HNRNPH3: variants seen among roughly 807,000 people sequenced by gnomAD.
HNRNPH3 encodes the protein heterogeneous nuclear ribonucleoprotein 2H9.
In HNRNPH3, 7 loss-of-function variants were observed where a neutral mutation model predicts 47.0. That is an observed-to-expected ratio of 0.15 (90% confidence interval 0.08 to 0.28). The LOEUF (loss-of-function observed/expected upper bound fraction) is 0.28. HNRNPH3 is among the 10% of genes least tolerant of loss of function. The probability of loss-of-function intolerance (pLI) is 1.00; values close to 1 mark genes in which losing one functional copy is unlikely to be tolerated. For synonymous variants in HNRNPH3, 120 were observed against 143.2 expected, an observed-to-expected ratio of 0.84 and a Z score of 1.16; for missense variants, 279 against 449.6, an observed-to-expected ratio of 0.62 and a Z score of 3.43.
intron 1 of HNRNPH3, among the ~76,000 whole-genome samples, chr10:68,334,811 G>A (rs2045452555): frequency 6.6e-6 from 1 of 152,210 alleles, no homozygotes; most frequent in South Asian, 2.1e-4. Context: ...TGACATTGTT[G>A]CAAAGAAAGG....
intron 1 of HNRNPH3, chr10:68,332,880 A>G (rs1251011779): frequency 6.6e-6 from 1 of 152,276 alleles, no homozygotes; most frequent in African/African-American, 2.4e-5. Flanking sequence ...GAAGGTGCTC[A>G]ACTCCCAAAT....
Position 68,339,455 on chromosome 10 carries a change from G to A in HNRNPH3, c.539G>A (p.Gly180Asp). The change falls in exon 6 of 10, where the codon GGC becomes GAC. Residue 180 changes from glycine to aspartate, a missense_variant. Coordinates refer to ENST00000265866, the MANE Select transcript of HNRNPH3 (RefSeq NM_012207.3). ...TGTTTTCCAGGTATGGGAGGACATG[G>A]CTATGGTGGAGCTGGTGATGCAAGT... is the stretch of plus-strand genomic sequence containing the variant. The part of the protein sequence containing the change: ...MRDGRGMGGH[G>D]YGGAGDASSG... The A allele has an allele frequency of 6.2e-7, 1 of 1,613,716 alleles. No individual in the cohort carries two copies. Among genetic ancestry groups the A allele is most frequent in the Admixed American group, 1.7e-5 (1 of 60,012 alleles).
rs768242896 is a variant in HNRNPH3, at chr10:68,341,958, C to G, written c.965-20C>G. The G allele has an allele frequency of 6.2e-6, 10 of 1,612,238 alleles. No homozygotes were observed. The Admixed American group carries it at 1.7e-4, about 27-fold the overall frequency. On this transcript the variant is annotated intron_variant, in intron 9 of 9. Transcript: ENST00000265866. ...TGCAGATATCTCCTGCTGAGTGATT[C>G]TTAATATCTTTTTCTTAAGGCCGTG...
At chr10:68,335,632 G>T (rs886348464) in intron 1 of HNRNPH3, among the ~76,000 whole-genome samples, 1 of 152,052 alleles carries the variant, frequency 6.6e-6, no homozygotes, top group African/African-American at 2.4e-5. Flanking sequence ...GTCCTTCAGG[G>T]TTCACATATT....
At chr10:68,341,707 G>T in intron 8 of HNRNPH3, 27 bp downstream of exon 8, 1 of 1,583,638 alleles carries the variant, frequency 6.3e-7, no homozygotes, top group Non-Finnish European at 8.6e-7. Flanking sequence ...AAATATGCAG[G>T]GTTAGCTGCT....
At chr10:68,332,555 T>TA (rs1027318471) in intron 1 of HNRNPH3, among the ~76,000 whole-genome samples, 18 of 152,186 alleles carry the variant, frequency 1.2e-4, no homozygotes, top group African/African-American at 4.1e-4. Flanking sequence ...CCCGCTCTTT[T>TA]TACTTTTTTG....
chr10:68,337,452 C>A lies in HNRNPH3; in HGVS notation c.112+119C>A, dbSNP rs2045600428. ...AACTTTTAAGTTTAACTATGATAGT[C>A]TTGGTTAATGTATTAAAATAATATG... On this transcript the variant is annotated intron_variant, in intron 2 of 9. Transcript: ENST00000265866. This position sits in a 1 kb window ranked among gnomAD's most constrained non-coding sequence, Gnocchi z 4.5. 2 of 646,262 alleles carry A rather than the reference C, an allele frequency of 3.1e-6. No homozygotes were observed. Among genetic ancestry groups the A allele is most frequent in the Non-Finnish European group, 5.5e-6 (2 of 365,956 alleles). The allele number at this position is 646,262 out of a possible 1,614,324, so 40.0% of individuals were successfully genotyped here.
At chr10:68,338,059 G>T in intron 3 of HNRNPH3, 63 bp downstream of exon 3, 1 of 1,259,968 alleles carries the variant, frequency 7.9e-7, no homozygotes. Context: ...GGTCACTATT[G>T]CTTAAATGGG....
At position 68,341,570 on chromosome 10, in the gene HNRNPH3, C is replaced by CT; in HGVS notation, c.776-8dup. On this transcript the variant is annotated splice_polypyrimidine_tract_variant and intron_variant, in intron 7 of 9. Coordinates refer to ENST00000265866, the MANE Select transcript of HNRNPH3 (RefSeq NM_012207.3). Reference sequence around the variant, plus strand: ...ATTCCTTTCTCCCCTGTTACTCTTTCTTTTTTTCTTAAAGAACATCGATAT... The same window carrying CT: ...ATTCCTTTCTCCCCTGTTACTCTTTCTTTTTTTTCTTAAAGAACATCGATAT... 1 of 1,555,164 alleles carries CT rather than the reference C, an allele frequency of 6.4e-7. No homozygotes were observed. Among genetic ancestry groups the CT allele is most frequent in the Non-Finnish European group, 8.8e-7 (1 of 1,134,490 alleles).
chr10:68,339,363 A>T, intron 5 of HNRNPH3, 77 bp from the exon 6 acceptor site: 1 of 1,514,528 alleles, frequency 6.6e-7, no homozygotes, highest in Non-Finnish European at 9.1e-7. Flanking sequence ...AGAGCTTTAT[A>T]CCTTGTATAG....
At position 68,341,971 on chromosome 10, in the gene HNRNPH3, T is replaced by C; in HGVS notation, c.965-7T>C. On this transcript the variant is annotated splice_region_variant and splice_polypyrimidine_tract_variant and intron_variant, in intron 9 of 9. Transcript: ENST00000265866. ...TGCTGAGTGATTCTTAATATCTTTT[T>C]CTTAAGGCCGTGGTGGTGGAGGCAG... 1 of 1,613,784 alleles carries C rather than the reference T, an allele frequency of 6.2e-7. No homozygotes were observed. The highest frequency in any genetic ancestry group is 8.5e-7 in the Non-Finnish European group (1 of 1,179,780).
Position 68,341,790 on chromosome 10 carries a change from A to G in HNRNPH3, c.903A>G (p.Arg301=), listed in dbSNP as rs1352099009. ...DNQGGYGSVG[R]MGMGNNYSGG... ...AGGGAGGCTATGGATCAGTTGGAAG[A>G]ATGGGAATGGGGAACAATTACAGTG... Residue 301 remains arginine, a synonymous_variant, in exon 9 of 10, where the codon AGA becomes AGG. Coordinates refer to ENST00000265866, the MANE Select transcript of HNRNPH3 (RefSeq NM_012207.3). 6.2e-7 allele frequency: 1 copy of G among 1,609,302 alleles called. No individual in the cohort carries two copies. The highest frequency in any genetic ancestry group is 8.5e-7 in the Non-Finnish European group (1 of 1,178,292).
chr10:68,339,480 T>C lies in HNRNPH3; in HGVS notation c.564T>C (p.Ser188=), dbSNP rs2045728196. Residue 188 remains serine, a synonymous_variant, in exon 6 of 10, where the codon AGT becomes AGC. Coordinates refer to ENST00000265866, the MANE Select transcript of HNRNPH3 (RefSeq NM_012207.3). ...GHGYGGAGDA[S]SGFHGGHFVH... ...GCTATGGTGGAGCTGGTGATGCAAG[T>C]TCAGGTTTTCATGGTGGTCATTTCG... The C allele has an allele frequency of 6.2e-7, 1 of 1,614,106 alleles. No individual in the cohort carries two copies. Among genetic ancestry groups the C allele is most frequent in the African/African-American group, 1.3e-5 (1 of 75,034 alleles).
At chr10:68,332,308 G>C (rs911795843) in intron 1 of HNRNPH3, 92 bp downstream of exon 1, 2 of 152,220 alleles carry the variant, frequency 1.3e-5, no homozygotes, top group Non-Finnish European at 2.9e-5. Flanking sequence ...GGGTTGGGGG[G>C]TAGTGGGGTG....
chr10:68,341,508 T>C, intron 7 of HNRNPH3, 77 bp from the exon 8 acceptor site: 1 of 1,126,728 alleles, frequency 8.9e-7, no homozygotes, highest in South Asian at 1.4e-5. Context: ...TTAATTGATC[T>C]TTTTTACAAA....
At chr10:68,332,295 GC>G (rs987817578) in intron 1 of HNRNPH3, 79 bp downstream of exon 1, 10 of 152,176 alleles carry the variant, frequency 6.6e-5, no homozygotes, top group Non-Finnish European at 1.3e-4. Flanking sequence ...GCCGGGAGGG[GC>G]TGGGTTGGGG....
Position 68,341,740 on chromosome 10 carries a change from TTC to T in HNRNPH3, c.872-17_872-16del, listed in dbSNP as rs764138983. Reference sequence around the variant, plus strand: ...GCTTATCGATGAGTCTCAATTTTTTTTCTTTTTTCTTTTTAAAGATAATCAGG... The same window carrying T: ...GCTTATCGATGAGTCTCAATTTTTTTTTTTTTCTTTTTAAAGATAATCAGG... On this transcript the variant is annotated splice_polypyrimidine_tract_variant and intron_variant, in intron 8 of 9. Transcript: ENST00000265866. 41 of 1,587,942 alleles carry T rather than the reference TTC, an allele frequency of 2.6e-5. No individual in the cohort carries two copies. The African/African-American group carries it at 5.2e-4, about 20-fold the overall frequency.
chr10:68,336,730 A>G (rs2045565034), intron 1 of HNRNPH3: 1 of 152,906 alleles, frequency 6.5e-6, no homozygotes, highest in South Asian at 2.1e-4. Context: ...TCCAACGTCA[A>G]TCAGTACTCA....
Position 68,341,332 on chromosome 10 carries a change from A to G in HNRNPH3, c.775+23A>G, listed in dbSNP as rs1182340636. 2.5e-6 allele frequency: 4 copies of G among 1,586,688 alleles called. No individual in the cohort carries two copies. The African/African-American group carries it at 4.1e-5, about 16-fold the overall frequency. ...TGCGTAAGTGGTGTCTTTGGCACAC[A>G]ATCTTATTTCCTAAACGTGAATTTA... On this transcript the variant is annotated intron_variant, in intron 7 of 9. Coordinates refer to ENST00000265866, the MANE Select transcript of HNRNPH3 (RefSeq NM_012207.3).
Sources: gnomAD v4.1 joint callset for allele counts (sites outside exome capture counted in the v4.1 genomes callset) on GRCh38, gnomAD v4.1.1 for gene constraint, Gnocchi (gnomAD v3.1) non-coding constraint, MANE v1.5 for transcripts, NCBI Gene and HGNC (gene_info 2026-07-23, HGNC 2026-07-21) for gene names.